Variants in GLG1 observed in about 807,000 individuals in gnomAD.
GLG1 encodes Golgi apparatus protein 1.
A neutral mutation model predicts 160.5 loss-of-function variants in GLG1; 38 were observed. That is an observed-to-expected ratio of 0.24 (90% CI 0.18 to 0.31). The LOEUF is 0.31. Ranked by LOEUF, GLG1 falls within the 10% of genes least tolerant of loss-of-function variation. GLG1 has a pLI of 1.00. For missense variants in GLG1, 1,373 were observed against 1,505.2 expected, an observed-to-expected ratio of 0.91 and a Z score of 1.45; for synonymous variants, 644 against 543.4, an observed-to-expected ratio of 1.19 and a Z score of -2.57.
At chr16:74,532,191 AAAATAT>A in intron 1 of GLG1, 38 bp from the exon 2 acceptor site, 90 of 632,066 alleles carry the variant, frequency 1.4e-4, no homozygotes, top group Admixed American at 3.6e-4. Flanking sequence ...TGTAAAAAAA[AAAATAT>A]ATATATATAT....
Position 74,462,644 on chromosome 16 carries a change from C to G in GLG1, c.2792-14G>C, listed in dbSNP as rs768467737. ...TTAAGCGGTAATCTAGAGTAGAAAG[C>G]AGTGAGCATGTGACAAAACATTCCA... On this transcript the variant is annotated splice_polypyrimidine_tract_variant and intron_variant, in intron 20 of 25. Transcript: ENST00000422840. 5 of 1,613,554 alleles carry G rather than the reference C, an allele frequency of 3.1e-6. No homozygotes were observed. The highest frequency in any genetic ancestry group is 1.7e-5 in the Admixed American group (1 of 60,004).
intron 2 of GLG1, among the ~76,000 whole-genome samples, chr16:74,523,296 C>A (rs2017230695): frequency 6.6e-6 from 1 of 152,126 alleles, no homozygotes; most frequent in African/African-American, 2.4e-5. Context: ...GGTTAAGATT[C>A]TTTATTCAAG....
intron 1 of GLG1, among the ~76,000 whole-genome samples, chr16:74,591,538 G>C (rs1825670381): frequency 6.6e-6 from 1 of 151,714 alleles, no homozygotes; most frequent in Admixed American, 6.6e-5. Flanking sequence ...TGAGGCAGGA[G>C]AATGGCCTGA....
At chr16:74,583,647 T>G (rs1335636154) in intron 1 of GLG1, among the ~76,000 whole-genome samples, 1 of 152,218 alleles carries the variant, frequency 6.6e-6, no homozygotes, top group Non-Finnish European at 1.5e-5. Flanking sequence ...CCCAAAGTGC[T>G]GGGATTACAG....
At chr16:74,507,028 T>C (rs1368905806) in intron 3 of GLG1, among the ~76,000 whole-genome samples, 3 of 152,162 alleles carry the variant, frequency 2.0e-5, no homozygotes, top group African/African-American at 7.2e-5. Context: ...TATTAATAGT[T>C]TACAGGTATT....
rs1032195428 is a variant in GLG1 at position 74,480,460 on chromosome 16, G to A, written c.1674-66C>T. The stretch of plus-strand genomic sequence containing the variant: ...ACATTTCCTTCTAACACAGGCTCAG[G>A]GTTTTTATGAGGTGTTTGCTTGTAT... On this transcript the variant is annotated intron_variant, in intron 10 of 25. Coordinates refer to ENST00000422840, the MANE Select transcript of GLG1 (RefSeq NM_001145667.2). 17 of 1,215,892 alleles carry A rather than the reference G, an allele frequency of 1.4e-5. No homozygotes were observed. The African/African-American group carries it at 2.3e-4, about 16-fold the overall frequency. 75.3% of individuals were successfully genotyped at this position (1,215,892 alleles called of 1,614,324 possible). A position where few individuals can be genotyped will look rare whatever the true frequency, so the allele number is the denominator to read the frequency against.
rs2015331838 is a variant in GLG1 at position 74,474,584 on chromosome 16, T to C, written c.2014A>G (p.Arg672Gly). ...TCAGTGAGGTTGCCAACTATATCTC[T>C]ACACTCCACCACCAAGTCATCCAGA... ...DHLDDLVVEC[R>G]DIVGNLTELE... Residue 672 changes from arginine (R) to glycine (G), a missense_variant, in exon 13 of 26, where the codon AGA (arginine) becomes GGA (glycine). This residue lies in a region of GLG1 where 386 missense variants were observed against 388.5 expected (regional missense o/e 0.99). Coordinates refer to ENST00000422840, the MANE Select transcript of GLG1 (RefSeq NM_001145667.2). The C allele has an allele frequency of 3.8e-6, 6 of 1,584,354 alleles. No homozygotes were observed. Among genetic ancestry groups the C allele is most frequent in the Non-Finnish European group, 3.5e-6 (4 of 1,152,938 alleles).
At chr16:74,581,909 C>G (rs867082071) in intron 1 of GLG1, among the ~76,000 whole-genome samples, 3 of 152,108 alleles carry the variant, frequency 2.0e-5, no homozygotes, top group Middle Eastern at 6.8e-3. Flanking sequence ...GACTCCGTCT[C>G]AAAAAAACAA....
At chr16:74,486,882 A>G (rs1226801635) in intron 8 of GLG1, among the ~76,000 whole-genome samples, 5 of 152,044 alleles carry the variant, frequency 3.3e-5, no homozygotes, top group African/African-American at 4.8e-5. Flanking sequence ...ATTACTACAG[A>G]TAAGTAGCAG....
At chr16:74,454,666 C>CAAAAAAAAA (rs58759187) in intron 25 of GLG1, among the ~76,000 whole-genome samples, 3 of 38,494 alleles carry the variant, frequency 7.8e-5, no homozygotes, top group South Asian at 2.9e-3. Flanking sequence ...AATCCGTCCC[C>CAAAAAAAAA]AAAAAAAAAA....
intron 1 of GLG1, among the ~76,000 whole-genome samples, chr16:74,599,960 G>A (rs1396228358): frequency 6.6e-6 from 1 of 152,008 alleles, no homozygotes; most frequent in African/African-American, 2.4e-5. Flanking sequence ...CTTGAATACA[G>A]GAGACAAAGG....
intron 2 of GLG1, among the ~76,000 whole-genome samples, chr16:74,510,376 A>G (rs960849309): frequency 5.9e-5 from 9 of 152,300 alleles, no homozygotes; most frequent in Middle Eastern, 3.4e-3. Flanking sequence ...GTTACACTAG[A>G]AAATATCTAA....
At position 74,493,044 on chromosome 16, in the gene GLG1, A is replaced by G. The variant is rs757021821; in HGVS notation, c.1147T>C (p.Tyr383His). ...GGAAGGTTTTCCACATTGCACCGGT[A>G]TTTCTTCAAGTCACTTTTACAGGAT... ...AKSCKSDLKK[Y>H]RCNVENLPRS... is the part of the protein sequence containing the mutation. The change falls in exon 7 of 26, where the codon TAC becomes CAC. Residue 383 changes from tyrosine (Y) to histidine (H), a missense_variant. This residue lies in a region of GLG1 where 386 missense variants were observed against 388.5 expected (regional missense o/e 0.99). Coordinates refer to ENST00000422840, the MANE Select transcript of GLG1 (RefSeq NM_001145667.2). 26 of 1,613,676 alleles carry G rather than the reference A, an allele frequency of 1.6e-5. No individual in the cohort carries two copies. Among genetic ancestry groups the G allele is most frequent in the Non-Finnish European group, 2.0e-5 (24 of 1,179,790 alleles).
At chr16:74,493,531 C>A (rs1381593098) in intron 6 of GLG1, among the ~76,000 whole-genome samples, 1 of 152,086 alleles carries the variant, frequency 6.6e-6, no homozygotes, top group African/African-American at 2.4e-5. Context: ...ATATTCTGTT[C>A]AATGCTTTAA....
At chr16:74,460,222 T>C (rs1191709758) in intron 22 of GLG1, among the ~76,000 whole-genome samples, 1 of 152,182 alleles carries the variant, frequency 6.6e-6, no homozygotes, top group Non-Finnish European at 1.5e-5. Context: ...AGTTTCTCCA[T>C]GTTAGTCAGG....
At chr16:74,561,993 G>A (rs1159422301) in intron 1 of GLG1, among the ~76,000 whole-genome samples, 2 of 152,278 alleles carry the variant, frequency 1.3e-5, no homozygotes, top group East Asian at 3.9e-4. Context: ...CTACCTGATG[G>A]GTCATTGGAA....
At chr16:74,520,252 C>G (rs1044695413) in intron 2 of GLG1, among the ~76,000 whole-genome samples, 1 of 152,180 alleles carries the variant, frequency 6.6e-6, no homozygotes, top group African/African-American at 2.4e-5. Context: ...GCTTTTCTCT[C>G]AGGCTGATTC....
chr16:74,536,324 C>T (rs998951376), intron 1 of GLG1, among the ~76,000 whole-genome samples: 6 of 152,234 alleles, frequency 3.9e-5, no homozygotes, highest in South Asian at 2.1e-4. Flanking sequence ...TAAGATAAAA[C>T]TGAGGATTTT....
Position 74,478,010 on chromosome 16 carries a change from AAAT to A in GLG1, c.1828-480_1828-478del, listed in dbSNP as rs1415566631. 2.9e-4 allele frequency among the ~76,000 whole-genome samples: 44 copies of A among 151,836 alleles called. No individual in the cohort carries two copies. In the East Asian group the frequency reaches 6.4e-3, roughly 22 times the overall value. On this transcript the variant is annotated intron_variant, in intron 11 of 25. Transcript: ENST00000422840. Reference sequence around the variant, plus strand: ...TAAATAAATAAATAAATAAATAAATAAATAAAATGTGCAAGAGGCTTCGAAAAG... The same window carrying A: ...TAAATAAATAAATAAATAAATAAATAAAAATGTGCAAGAGGCTTCGAAAAG...
Sources: allele counts gnomAD v4.1 joint callset (sites outside exome capture counted in the v4.1 genomes callset), GRCh38; gene constraint gnomAD v4.1.1; regional missense constraint gnomAD v4.1.1; transcripts MANE v1.5; gene names NCBI Gene and HGNC (gene_info 2026-07-23, HGNC 2026-07-21).